COMMD8: variants seen among roughly 807,000 people sequenced by gnomAD.
COMMD8 encodes COMM domain containing 8, also known as COMM domain-containing protein 8.
Under a neutral mutation model 27.2 loss-of-function variants are expected in COMMD8, and 28 were observed. The ratio of observed to expected loss-of-function variants is 1.03; its 90% CI spans 0.76 to 1.41. The LOEUF (loss-of-function observed/expected upper bound fraction) is 1.41. Among genes scored for constraint, COMMD8 ranks in the 40% most tolerant of loss-of-function variants. COMMD8 has a pLI of 0.00. For missense variants in COMMD8, 217 were observed against 211.2 expected (o/e 1.03, Z -0.17); for synonymous variants, 79 against 75.5 (o/e 1.05, Z -0.24).
intron 3 of COMMD8, among the ~76,000 whole-genome samples, chr4:47,453,440 G>C (rs1216016846): frequency 6.6e-6 from 1 of 152,224 alleles, no homozygotes; most frequent in Non-Finnish European, 1.5e-5. Flanking sequence ...AAGACAACCA[G>C]TCAGCAATCT....
At chr4:47,452,962 C>T (rs187840926) in intron 4 of COMMD8, 97 bp downstream of exon 4, 2 of 1,088,720 alleles carry the variant, frequency 1.8e-6, no homozygotes, top group Admixed American at 2.4e-5. Flanking sequence ...CGCCGTTGCC[C>T]CTCCAGCCTG....
chr4:47,461,810 G>C (rs1730033430), intron 1 of COMMD8, among the ~76,000 whole-genome samples: 1 of 152,124 alleles, frequency 6.6e-6, no homozygotes, highest in Non-Finnish European at 1.5e-5. Context: ...TGAGGAAACT[G>C]AGAATAAATA....
At position 47,460,263 on chromosome 4, in the gene COMMD8, C is replaced by T. The variant is rs148279035; in HGVS notation, c.103G>A (p.Ala35Thr). 2.5e-5 allele frequency: 41 copies of T among 1,612,436 alleles called. No individual in the cohort carries two copies. In the African/African-American group the frequency reaches 4.9e-4, roughly 19 times the overall value. Residue 35 changes from alanine to threonine, a missense_variant, in exon 2 of 5, where the codon GCT becomes ACT. By Grantham distance (58) the Ala-to-Thr change is moderately conservative. Coordinates refer to ENST00000381571, the MANE Select transcript of COMMD8 (RefSeq NM_017845.5). ...HKIIDGICGRAYPVYQDYHTV... is the reference protein window; with the variant it reads ...HKIIDGICGRTYPVYQDYHTV... ...TGATAATCTTGGTACACAGGATAAG[C>T]TCGACCACAAATGCCATCAATTATT...
intron 3 of COMMD8, 43 bp from the exon 4 acceptor site, chr4:47,453,257 GA>G (rs1337558972): frequency 3.9e-6 from 6 of 1,526,284 alleles, no homozygotes; most frequent in Non-Finnish European, 5.4e-6. Context: ...ATAGTAAAAA[GA>G]ACTATATTGA....
rs1474170350 is a variant in COMMD8, at chr4:47,453,076, A to G, written c.514T>C (p.Leu172=). Residue 172 remains leucine (L), a synonymous_variant, in exon 4 of 5, where the codon TTG becomes CTG. Coordinates refer to ENST00000381571, the MANE Select transcript of COMMD8 (RefSeq NM_017845.5). ...REELQNLIQS[L]EAANKVVLQL... ...GCAAATACCTTATTCGCTGCTTCCA[A>G]GGACTGTATTAGATTCTGCAGCTCC... is the stretch of plus-strand genomic sequence containing the variant. 4 of 1,610,740 alleles carry G rather than the reference A, an allele frequency of 2.5e-6. No homozygotes were observed. Among genetic ancestry groups the G allele is most frequent in the African/African-American group, 1.3e-5 (1 of 74,696 alleles).
Position 47,451,620 on chromosome 4 carries a change from T to C in COMMD8, c.*25A>G, listed in dbSNP as rs1250110718. 3.2e-6 allele frequency: 5 copies of C among 1,580,450 alleles called. No homozygotes were observed. The African/African-American group carries it at 4.1e-5, about 13-fold the overall frequency. Reference sequence around the variant, plus strand: ...TATAAGTTGGAGCAATAAAATCTGATAGGACTGGTATTCATCATTTCCAGT... The same window carrying C: ...TATAAGTTGGAGCAATAAAATCTGACAGGACTGGTATTCATCATTTCCAGT... On this transcript the variant is annotated 3_prime_UTR_variant, in exon 5 of 5. Transcript: ENST00000381571.
chr4:47,451,594 A>G lies in COMMD8; in HGVS notation c.*51T>C. The G allele has an allele frequency of 6.8e-7, 1 of 1,463,600 alleles. No homozygotes were observed. The highest frequency in any genetic ancestry group is 9.5e-7 in the Non-Finnish European group (1 of 1,048,860). 90.7% of individuals were successfully genotyped at this position (1,463,600 alleles called of 1,614,324 possible). ...CTGAACACGCAGTATTCACTCTGCC[A>G]TATAAGTTGGAGCAATAAAATCTGA... On this transcript the variant is annotated 3_prime_UTR_variant, in exon 5 of 5. Transcript: ENST00000381571.
At chr4:47,463,516 G>A (rs1288457154) in intron 1 of COMMD8, 70 bp downstream of exon 1, 4 of 1,453,294 alleles carry the variant, frequency 2.8e-6, no homozygotes, top group Admixed American at 2.0e-5. Flanking sequence ...GGTCGCACCC[G>A]GCCTGATCCG....
chr4:47,459,662 A>C (rs186043161), intron 2 of COMMD8, among the ~76,000 whole-genome samples: 126 of 152,304 alleles, frequency 8.3e-4, no homozygotes, highest in African/African-American at 2.7e-3. Flanking sequence ...CAAATGTTAC[A>C]TTTTATTACA....
At chr4:47,462,901 G>A (rs893797517) in intron 1 of COMMD8, among the ~76,000 whole-genome samples, 1 of 152,098 alleles carries the variant, frequency 6.6e-6, no homozygotes, top group Non-Finnish European at 1.5e-5. Flanking sequence ...ATGGAATAGA[G>A]GAAACAGGAA....
intron 3 of COMMD8, 42 bp from the exon 4 acceptor site, chr4:47,453,256 A>G: frequency 6.5e-7 from 1 of 1,543,816 alleles, no homozygotes. Flanking sequence ...AATAGTAAAA[A>G]GAACTATATT....
intron 1 of COMMD8, 60 bp downstream of exon 1, chr4:47,463,526 G>T: frequency 6.8e-7 from 1 of 1,481,420 alleles, no homozygotes; most frequent in Non-Finnish European, 9.1e-7. Flanking sequence ...GGCCTGATCC[G>T]CACGCCGGGC....
intron 3 of COMMD8, 101 bp from the exon 4 acceptor site, chr4:47,453,315 T>C: frequency 1.1e-6 from 1 of 898,652 alleles, no homozygotes. Context: ...AAAGTACTGT[T>C]TGCTGTTGAG....
In COMMD8 at chr4:47,463,695, G is replaced by A. The variant is rs775826162; in HGVS notation, c.-44C>T. The A allele has an allele frequency of 2.0e-6, 3 of 1,516,814 alleles. No homozygotes were observed. The highest frequency in any genetic ancestry group is 2.5e-5 in the East Asian group (1 of 39,472). 94.0% of individuals were successfully genotyped at this position (1,516,814 alleles called of 1,614,324 possible). A position where few individuals can be genotyped will look rare whatever the true frequency, so the allele number is the denominator to read the frequency against. On this transcript the variant is annotated 5_prime_UTR_variant, in exon 1 of 5. Coordinates refer to ENST00000381571, the MANE Select transcript of COMMD8 (RefSeq NM_017845.5). ...CTTGGGTCACGTGTCAAGGCTGGCC[G>A]CTTGTCTAAAGCTACGACTCGCCCA...
intron 3 of COMMD8, among the ~76,000 whole-genome samples, chr4:47,453,419 G>A (rs183579777): frequency 1.2e-4 from 19 of 152,234 alleles, no homozygotes; most frequent in Admixed American, 3.3e-4. Flanking sequence ...AGAGGAAATC[G>A]GTAGGAAAGT....
At chr4:47,453,010 C>A (rs558545678) in intron 4 of COMMD8, 49 bp downstream of exon 4, 38 of 1,508,868 alleles carry the variant, frequency 2.5e-5, no homozygotes, top group Middle Eastern at 1.8e-4. Context: ...CAAAAAAAAA[C>A]CCCAAAACCT....
Position 47,460,216 on chromosome 4 carries a change from T to C in COMMD8, c.150A>G (p.Glu50=), listed in dbSNP as rs1027919915. Reference sequence around the variant, plus strand: ...CAATATCTTCTAAAACGTGCATCCATTCTTCTGATTCCCAAACAGTGTGAT... The same window carrying C: ...CAATATCTTCTAAAACGTGCATCCACTCTTCTGATTCCCAAACAGTGTGAT... The part of the protein sequence containing the change: ...QDYHTVWESE[E]WMHVLEDIAK... Residue 50 remains glutamate (E), a synonymous_variant, in exon 2 of 5, where the codon GAA becomes GAG. Transcript: ENST00000381571. 1.2e-6 allele frequency: 2 copies of C among 1,613,480 alleles called. No homozygotes were observed. The highest frequency in any genetic ancestry group is 1.3e-5 in the African/African-American group (1 of 74,928).
At chr4:47,456,218 G>A (rs1235590302) in intron 3 of COMMD8, among the ~76,000 whole-genome samples, 1 of 147,502 alleles carries the variant, frequency 6.8e-6, no homozygotes, top group African/African-American at 2.5e-5. Context: ...TTGCACTCCA[G>A]CCTAGATGAC....
intron 1 of COMMD8, among the ~76,000 whole-genome samples, chr4:47,461,322 T>C (rs1730020114): frequency 6.6e-6 from 1 of 152,232 alleles, no homozygotes; most frequent in Admixed American, 6.5e-5. Flanking sequence ...CCAAATAACT[T>C]GGAAATAATC....
Sources: allele counts gnomAD v4.1 joint callset (sites outside exome capture counted in the v4.1 genomes callset), GRCh38; gene constraint gnomAD v4.1.1; transcripts MANE v1.5; gene names NCBI Gene and HGNC (gene_info 2026-07-23, HGNC 2026-07-21).